Variants in CTBP2 observed in about 807,000 individuals in gnomAD.
CTBP2 encodes C-terminal binding protein 2, also known as C-terminal-binding protein 2.
CTBP2 carries 30 observed loss-of-function variants against 80.3 expected under a neutral mutation model. The ratio of observed to expected loss-of-function variants is 0.37; its 90% confidence interval spans 0.28 to 0.51. CTBP2 has a LOEUF of 0.51. Ranked by LOEUF, CTBP2 falls within the 20% of genes least tolerant of loss-of-function variation. The probability of loss-of-function intolerance (pLI) is 0.93; values close to 1 mark genes in which losing one functional copy is unlikely to be tolerated. For synonymous variants in CTBP2, 594 were observed against 587.4 expected (o/e 1.01, Z -0.16); for missense variants, 1,212 against 1,375.3 (o/e 0.88, Z 1.88).
intron 2 of CTBP2, among the ~76,000 whole-genome samples, chr10:125,058,663 G>A (rs2919287): frequency 0.19 from 28,504 of 151,964 alleles, 3,285 homozygotes; most frequent in East Asian, 0.51. Flanking sequence ...GTGGTGGCGC[G>A]GTGGGCAGAT....
chr10:125,140,515 C>T (rs1478345307), intron 1 of CTBP2, among the ~76,000 whole-genome samples: 1 of 152,172 alleles, frequency 6.6e-6, no homozygotes, highest in African/African-American at 2.4e-5. Flanking sequence ...TCAAGTTTCT[C>T]CCAACTGAAA....
intron 1 of CTBP2, among the ~76,000 whole-genome samples, chr10:125,143,789 C>T (rs1179150925): frequency 2.0e-5 from 3 of 152,130 alleles, no homozygotes; most frequent in Admixed American, 1.3e-4. Flanking sequence ...TTCATAAACA[C>T]CATAAATCAT....
chr10:125,041,569 T>C (rs905557752), intron 2 of CTBP2, among the ~76,000 whole-genome samples: 2 of 133,130 alleles, frequency 1.5e-5, no homozygotes, highest in Non-Finnish European at 3.0e-5. Flanking sequence ...GGGCCAGCAA[T>C]TGTCATTTGC....
At chr10:125,119,539 A>G (rs1045492237) in intron 1 of CTBP2, among the ~76,000 whole-genome samples, 6 of 152,246 alleles carry the variant, frequency 3.9e-5, no homozygotes, top group Non-Finnish European at 7.3e-5. Flanking sequence ...AAAATACTTC[A>G]AAGACATAGG....
intron 1 of CTBP2, among the ~76,000 whole-genome samples, chr10:125,014,562 T>A (rs1367021942): frequency 6.6e-6 from 1 of 152,176 alleles, no homozygotes; most frequent in Non-Finnish European, 1.5e-5. Context: ...GCACACGAGG[T>A]TGACCTTCCT....
At chr10:125,002,843 C>A in intron 3 of CTBP2, 117 bp downstream of exon 5, 2 of 1,324,546 alleles carry the variant, frequency 1.5e-6, no homozygotes, top group Non-Finnish European at 2.1e-6. Flanking sequence ...AGCCACCTTG[C>A]TACAGCCAGA....
intron 1 of CTBP2, among the ~76,000 whole-genome samples, chr10:125,157,002 C>G (rs1861036157): frequency 6.6e-6 from 1 of 152,130 alleles, no homozygotes; most frequent in Non-Finnish European, 1.5e-5. Flanking sequence ...AGGTGTGCCC[C>G]GACTCTCAAA....
intron 1 of CTBP2, among the ~76,000 whole-genome samples, chr10:125,129,161 G>A (rs899033936): frequency 1.3e-5 from 2 of 152,108 alleles, no homozygotes; most frequent in Non-Finnish European, 2.9e-5. Flanking sequence ...TGAAATTCTA[G>A]AACAGGCAAA....
chr10:125,144,526 G>A (rs1411453469), intron 1 of CTBP2, among the ~76,000 whole-genome samples: 1 of 152,178 alleles, frequency 6.6e-6, no homozygotes. Context: ...TAAATTCCCC[G>A]ATCAAGATAA....
At chr10:125,047,240 G>T (rs1461175408) in intron 2 of CTBP2, among the ~76,000 whole-genome samples, 1 of 152,172 alleles carries the variant, frequency 6.6e-6, no homozygotes, top group Non-Finnish European at 1.5e-5. Flanking sequence ...TAGACTTGAG[G>T]AATCAGGAAT....
chr10:125,034,559 C>T (rs992493835), intron 3 of CTBP2, among the ~76,000 whole-genome samples: 2 of 152,076 alleles, frequency 1.3e-5, no homozygotes, highest in African/African-American at 4.8e-5. Context: ...TAATGTATAG[C>T]AACATTATGA....
chr10:125,022,432 A>G (rs1232734439), intron 1 of CTBP2, among the ~76,000 whole-genome samples: 1 of 152,220 alleles, frequency 6.6e-6, no homozygotes, highest in Non-Finnish European at 1.5e-5. Context: ...GGCACATAGC[A>G]GGGGACAGGT....
At chr10:125,156,938 C>T (rs1432424300) in intron 1 of CTBP2, among the ~76,000 whole-genome samples, 1 of 152,148 alleles carries the variant, frequency 6.6e-6, no homozygotes, top group East Asian at 1.9e-4. Context: ...CTTGTGTACA[C>T]GACCAGATTA....
intron 1 of CTBP2, among the ~76,000 whole-genome samples, chr10:125,130,094 C>G (rs1354303373): frequency 6.7e-6 from 1 of 149,054 alleles, no homozygotes; most frequent in Non-Finnish European, 1.5e-5. Flanking sequence ...GTTGCCCAGG[C>G]TGGAGTGTAA....
At chr10:125,047,499 T>C (rs1186174200) in intron 2 of CTBP2, among the ~76,000 whole-genome samples, 1 of 152,252 alleles carries the variant, frequency 6.6e-6, no homozygotes, top group East Asian at 1.9e-4. Flanking sequence ...GCACACACAA[T>C]ACATCTGCTG....
intron 1 of CTBP2, among the ~76,000 whole-genome samples, chr10:125,013,756 C>G (rs1180808345): frequency 6.6e-6 from 1 of 152,180 alleles, no homozygotes; most frequent in Admixed American, 6.5e-5. Context: ...TCAGGTCTCT[C>G]TGACACCAGA....
intron 2 of CTBP2, among the ~76,000 whole-genome samples, chr10:125,063,159 C>A (rs780083615): frequency 6.6e-5 from 10 of 152,178 alleles, no homozygotes; most frequent in Non-Finnish European, 1.0e-4. Context: ...ATTGGTGGAA[C>A]CAAAAACGAA....
intron 2 of CTBP2, among the ~76,000 whole-genome samples, chr10:125,057,483 C>A (rs958564503): frequency 6.6e-6 from 1 of 152,192 alleles, no homozygotes; most frequent in African/African-American, 2.4e-5. Context: ...GCTCTTTGTC[C>A]ATTCACTGAT....
At chr10:125,057,095 A>G (rs1342991018) in intron 2 of CTBP2, among the ~76,000 whole-genome samples, 2 of 152,234 alleles carry the variant, frequency 1.3e-5, no homozygotes, top group African/African-American at 2.4e-5. Flanking sequence ...CAGGAGGGAG[A>G]CAGCAAGGCC....
Sources: gnomAD v4.1 joint callset for allele counts (sites outside exome capture counted in the v4.1 genomes callset) on GRCh38, gnomAD v4.1.1 for gene constraint, MANE v1.5 for transcripts, NCBI Gene and HGNC (gene_info 2026-07-23, HGNC 2026-07-21) for gene names.